The following COG3 variants were observed in gnomAD, a reference collection of about 807,000 sequenced individuals.
The protein encoded by COG3 is component of oligomeric golgi complex 3, also known as conserved oligomeric Golgi complex subunit 3.
Under a neutral mutation model 114.1 loss-of-function variants are expected in COG3, and 32 were observed. The observed-to-expected ratio is 0.28, with a 90% CI of 0.21 to 0.38. The LOEUF (loss-of-function observed/expected upper bound fraction) is 0.38, where lower values mean the gene tolerates loss of function less well. COG3 is among the 10% of genes least tolerant of loss of function. COG3 has a pLI of 1.00. For synonymous variants in COG3, 352 were observed against 365.7 expected (o/e 0.96, Z 0.43); for missense variants, 813 against 973.2 (o/e 0.84, Z 2.19).
Position 45,492,213 on chromosome 13 carries a change from T to C in COG3, c.1150T>C (p.Tyr384His), listed in dbSNP as rs1338444219. ...VHVCQDEHQLYNEFFTKPTSK... is the reference protein window; with the variant it reads ...VHVCQDEHQLHNEFFTKPTSK... ...TGTCTGCCAGGATGAACACCAACTT[T>C]ACAATGAATTTTTCACAAAACCAAC... The change falls in exon 11 of 23, where the codon TAC (tyrosine) becomes CAC (histidine). Residue 384 changes from tyrosine to histidine, a missense_variant. By Grantham distance (83) the Tyr-to-His change is moderately conservative. This residue lies in a region of COG3 where 389 missense variants were observed against 542.6 expected (regional missense o/e 0.72). Transcript: ENST00000349995. 2 of 1,609,392 alleles carry C rather than the reference T, an allele frequency of 1.2e-6. No individual in the cohort carries two copies. The highest frequency in any genetic ancestry group is 2.2e-5 in the South Asian group (2 of 90,322).
chr13:45,489,553 C>T (rs2137824708), intron 8 of COG3, among the ~76,000 whole-genome samples: 1 of 152,194 alleles, frequency 6.6e-6, no homozygotes, highest in African/African-American at 2.4e-5. Flanking sequence ...TTATCAGTGG[C>T]TTTCCTACAT....
chr13:45,486,059 C>T (rs1473316371), intron 7 of COG3, among the ~76,000 whole-genome samples: 3 of 115,076 alleles, frequency 2.6e-5, no homozygotes, highest in African/African-American at 1.3e-4. Context: ...TCTGCAATCC[C>T]GGCACCTCGG....
At chr13:45,474,930 G>GT (rs1885764910) in intron 1 of COG3, among the ~76,000 whole-genome samples, 1 of 118,114 alleles carries the variant, frequency 8.5e-6, no homozygotes, top group African/African-American at 3.4e-5. Context: ...CTTTCCCTTT[G>GT]TTTTGGTCTA....
intron 1 of COG3, among the ~76,000 whole-genome samples, chr13:45,469,908 T>A (rs1160039982): frequency 6.6e-6 from 1 of 152,200 alleles, no homozygotes; most frequent in Non-Finnish European, 1.5e-5. Context: ...CTTTTACAGT[T>A]CTTCATTTTA....
chr13:45,533,679 A>G (rs1273325023), intron 22 of COG3, among the ~76,000 whole-genome samples: 1 of 152,172 alleles, frequency 6.6e-6, no homozygotes, highest in East Asian at 1.9e-4. Context: ...ACATTTCCCC[A>G]GTCCAGGTCC....
chr13:45,497,783 C>CTCAACAACAACAACAACAACAACAACA (rs1566255747), intron 13 of COG3, among the ~76,000 whole-genome samples: 1 of 29,712 alleles, frequency 3.4e-5, no homozygotes, highest in Non-Finnish European at 7.0e-5. Context: ...CAGACCCTGT[C>CTCAACAACAACAACAACAACAACAACA]TCAACAACAA....
At chr13:45,486,607 A>G (rs752949637) in intron 8 of COG3, 32 bp downstream of exon 8, 52 of 1,342,860 alleles carry the variant, frequency 3.9e-5, no homozygotes, top group East Asian at 1.6e-4. Flanking sequence ...GGACATTGCT[A>G]TGAAATTTGT....
intron 3 of COG3, 50 bp from the exon 4 acceptor site, chr13:45,480,075 T>C (rs1566244151): frequency 5.4e-6 from 8 of 1,494,222 alleles, no homozygotes; most frequent in Non-Finnish European, 6.4e-6. Context: ...TTTACTGTGC[T>C]TATTGGGGGA....
rs184063988 is a variant in COG3, at chr13:45,469,004, T to C, written c.174+3794T>C. Among the ~76,000 whole-genome samples the C allele has an allele frequency of 3.6e-3, 545 of 152,366 alleles. 1 individual carries two copies. The highest frequency in any genetic ancestry group is 5.8e-3 in the Non-Finnish European group (396 of 68,036). On this transcript the variant is annotated intron_variant, in intron 1 of 22. Coordinates refer to ENST00000349995, the MANE Select transcript of COG3 (RefSeq NM_031431.4). ...AATGGGGGCATTTTCTCGTATGTTATTAAAAAGCAACTTGTTTTGCTACTT... is the reference window on the plus strand; with the variant it reads ...AATGGGGGCATTTTCTCGTATGTTACTAAAAAGCAACTTGTTTTGCTACTT...
Position 45,486,549 on chromosome 13 carries a change from T to A in COG3, c.898T>A (p.Phe300Ile), listed in dbSNP as rs1466658534. ...DNAFTLFYVKFRAAAPKVRTL... is the reference protein window; with the variant it reads ...DNAFTLFYVKIRAAAPKVRTL... ...TGCCTTCACATTATTTTATGTGAAA[T>A]TTCGAGCTGCTGCCCCCAAAGTCAG... Residue 300 changes from phenylalanine to isoleucine, a missense_variant, in exon 8 of 23, where the codon TTT becomes ATT. Coordinates refer to ENST00000349995, the MANE Select transcript of COG3 (RefSeq NM_031431.4). 2 of 1,610,772 alleles carry A rather than the reference T, an allele frequency of 1.2e-6. No individual in the cohort carries two copies. Among genetic ancestry groups the A allele is most frequent in the East Asian group, 4.5e-5 (2 of 44,876 alleles).
intron 2 of COG3, 34 bp downstream of exon 2, chr13:45,476,381 T>C: frequency 6.2e-7 from 1 of 1,602,948 alleles, no homozygotes; most frequent in Non-Finnish European, 8.5e-7. Context: ...GGATGTTTGA[T>C]TATTTCAGAT....
At chr13:45,480,646 A>G (rs1436512244) in intron 4 of COG3, among the ~76,000 whole-genome samples, 4 of 152,116 alleles carry the variant, frequency 2.6e-5, no homozygotes, top group Non-Finnish European at 5.9e-5. Context: ...GCTCATTGCA[A>G]CCTCGGCCTC....
chr13:45,530,290 A>C (rs1227538409), intron 21 of COG3, among the ~76,000 whole-genome samples: 1 of 152,230 alleles, frequency 6.6e-6, no homozygotes, highest in African/African-American at 2.4e-5. Context: ...CCAAGGGATT[A>C]AATGTCAGAG....
At chr13:45,474,446 G>A (rs568582072) in intron 1 of COG3, among the ~76,000 whole-genome samples, 2 of 152,224 alleles carry the variant, frequency 1.3e-5, no homozygotes, top group South Asian at 2.1e-4. Context: ...ACAGGCGTGA[G>A]CCACCGTGCC....
intron 1 of COG3, among the ~76,000 whole-genome samples, chr13:45,471,751 A>G (rs1885504028): frequency 6.7e-6 from 1 of 148,440 alleles, no homozygotes; most frequent in Non-Finnish European, 1.5e-5. Context: ...CTTTTTTTTG[A>G]GACGGAGTTT....
At chr13:45,477,615 C>T (rs984037527) in intron 2 of COG3, among the ~76,000 whole-genome samples, 1 of 151,134 alleles carries the variant, frequency 6.6e-6, no homozygotes, top group African/African-American at 2.5e-5. Flanking sequence ...CTAGCTGATA[C>T]CAGAGTCCAT....
chr13:45,478,913 C>A, intron 2 of COG3, 92 bp from the exon 3 acceptor site: 1 of 842,586 alleles, frequency 1.2e-6, no homozygotes, highest in Non-Finnish European at 2.0e-6. Context: ...ACTTGGATAA[C>A]GTCTGTCCTT....
intron 1 of COG3, chr13:45,466,720 T>G (rs1346824702): frequency 6.6e-6 from 1 of 152,228 alleles, no homozygotes; most frequent in African/African-American, 2.4e-5. Flanking sequence ...GAGATACATA[T>G]TCTACAAAAA....
chr13:45,523,798 T>C (rs1388808131), intron 19 of COG3, among the ~76,000 whole-genome samples: 1 of 152,192 alleles, frequency 6.6e-6, no homozygotes, highest in Non-Finnish European at 1.5e-5. Context: ...CAGAACACTG[T>C]TCCCAGATTT....
Sources: allele counts gnomAD v4.1 joint callset (sites outside exome capture counted in the v4.1 genomes callset), GRCh38; gene constraint gnomAD v4.1.1; regional missense constraint gnomAD v4.1.1; transcripts MANE v1.5; gene names NCBI Gene and HGNC (gene_info 2026-07-23, HGNC 2026-07-21).